The following MYBPC1 variants were observed in gnomAD, a reference collection of about 807,000 sequenced individuals.
MYBPC1 encodes myosin-binding protein C, slow-type.
In MYBPC1, 52 loss-of-function variants were observed where a neutral mutation model predicts 147.1. The ratio of observed to expected loss-of-function variants is 0.35; its 90% CI spans 0.28 to 0.45. The LOEUF (loss-of-function observed/expected upper bound fraction) is 0.45, where lower values mean the gene tolerates loss of function less well. MYBPC1 is among the 20% of genes least tolerant of loss of function. The pLI, the probability that MYBPC1 is intolerant of heterozygous loss-of-function variation, is 1.00. For missense variants in MYBPC1, 1,228 were observed against 1,440.3 expected, an observed-to-expected ratio of 0.85 and a Z score of 2.39; for synonymous variants, 477 against 475.9, an observed-to-expected ratio of 1.00 and a Z score of -0.03.
chr12:101,672,581 C>T (rs984015128), intron 24 of MYBPC1, among the ~76,000 whole-genome samples: 5 of 152,180 alleles, frequency 3.3e-5, no homozygotes, highest in African/African-American at 1.2e-4. Context: ...GGCACGGTGG[C>T]TCACACCCAT....
chr12:101,638,054 G>C (rs1426777556), intron 10 of MYBPC1, among the ~76,000 whole-genome samples: 1 of 152,194 alleles, frequency 6.6e-6, no homozygotes, highest in South Asian at 2.1e-4. Context: ...AGGAGTTAGA[G>C]GCAGGGCCAG....
At chr12:101,602,908 G>T (rs1409940590) in intron 1 of MYBPC1, among the ~76,000 whole-genome samples, 1 of 152,200 alleles carries the variant, frequency 6.6e-6, no homozygotes, top group East Asian at 1.9e-4. Flanking sequence ...GTCAGCATAA[G>T]GTGATAACGG....
At chr12:101,631,484 T>C (rs566990391) in intron 6 of MYBPC1, 87 bp from the exon 7 acceptor site, 5 of 1,406,696 alleles carry the variant, frequency 3.6e-6, no homozygotes, top group East Asian at 2.4e-5. Context: ...TATTCTGTAG[T>C]GCAGTCCCAT....
rs769356667 is a variant in MYBPC1, at chr12:101,652,760, C to T, written c.1609C>T (p.Leu537=). The T allele has an allele frequency of 3.1e-6, 5 of 1,613,360 alleles. No homozygotes were observed. The South Asian group carries it at 5.5e-5, about 18-fold the overall frequency. ...TGCACCTGATGCCTACAATGTTACT[C>T]TGCCTGCCAAAGTTCATGTTATTGG... ...VFAPDAYNVT[L]PAKVHVIDPP... The change falls in exon 17 of 32, where the codon CTG becomes TTG. Residue 537 remains leucine, a synonymous_variant. Coordinates refer to ENST00000361466, the MANE Select transcript of MYBPC1 (RefSeq NM_002465.4).
chr12:101,687,252 T>C (rs1951363406), downstream of MYBPC1, among the ~76,000 whole-genome samples: 1 of 151,522 alleles, frequency 6.6e-6, no homozygotes, highest in East Asian at 1.9e-4. Context: ...GGCCCTGGTG[T>C]GTGATGTTCC....
intron 17 of MYBPC1, 75 bp downstream of exon 17, chr12:101,652,859 T>C (rs1029576312): frequency 4.7e-5 from 61 of 1,296,706 alleles, no homozygotes; most frequent in Admixed American, 4.4e-4. Context: ...AATTATAATA[T>C]ATTCAAAACT....
chr12:101,635,782 A>AC (rs1890862573), intron 9 of MYBPC1, among the ~76,000 whole-genome samples: 1 of 152,202 alleles, frequency 6.6e-6, no homozygotes, highest in Non-Finnish European at 1.5e-5. Context: ...CTGTTTTTAA[A>AC]CCCACAGACT....
intron 3 of MYBPC1, among the ~76,000 whole-genome samples, chr12:101,617,560 A>T (rs1245386373): frequency 6.6e-6 from 1 of 152,078 alleles, no homozygotes; most frequent in African/African-American, 2.4e-5. Context: ...TCTTAGGATT[A>T]TATCAATTGG....
At chr12:101,655,531 T>C (rs543742072) in intron 18 of MYBPC1, among the ~76,000 whole-genome samples, 1 of 152,276 alleles carries the variant, frequency 6.6e-6, no homozygotes, top group Non-Finnish European at 1.5e-5. Flanking sequence ...TCCTAACAAG[T>C]AAAAAGCTGG....
At chr12:101,612,167 A>C (rs1240641221) in intron 1 of MYBPC1, among the ~76,000 whole-genome samples, 1 of 152,162 alleles carries the variant, frequency 6.6e-6, no homozygotes, top group Non-Finnish European at 1.5e-5. Flanking sequence ...AATGATAGTA[A>C]TGGTAACAGT....
chr12:101,627,057 T>C (rs1888771093), intron 4 of MYBPC1, 147 bp downstream of exon 4: 5 of 728,188 alleles, frequency 6.9e-6, no homozygotes, highest in Non-Finnish European at 1.2e-5. Context: ...AAGAAGGAAA[T>C]GTTGGCTTTA....
In MYBPC1 at chr12:101,634,619, A is replaced by G. The variant is rs4448745; in HGVS notation, c.608+14A>G. On this transcript the variant is annotated intron_variant, in intron 9 of 31. Coordinates refer to ENST00000361466, the MANE Select transcript of MYBPC1 (RefSeq NM_002465.4). ...TTTCAAGAGAAGGTAACTCCAAAAG[A>G]AAAATCTAGATAGCTTTTGTATAAC... is the stretch of plus-strand genomic sequence containing the variant. 1,599 of 1,599,332 alleles carry G rather than the reference A, an allele frequency of 1.0e-3. 14 individuals carry two copies. In the African/African-American group the frequency reaches 0.018, roughly 18 times the overall value.
chr12:101,673,144 C>A lies in MYBPC1; in HGVS notation c.2614-283C>A, dbSNP rs1263787. On this transcript the variant is annotated intron_variant, in intron 24 of 31. Coordinates refer to ENST00000361466, the MANE Select transcript of MYBPC1 (RefSeq NM_002465.4). ...TTCCAGTGCTTACCTAACTGCAGGACCTTGGACAAATTATTTAACTTCTCT... is the reference window on the plus strand; with the variant it reads ...TTCCAGTGCTTACCTAACTGCAGGAACTTGGACAAATTATTTAACTTCTCT... 0.59 allele frequency among the ~76,000 whole-genome samples: 89,045 copies of A among 151,994 alleles called. 28,968 individuals carry two copies. The highest frequency in any genetic ancestry group is 0.73 in the Admixed American group (11,133 of 15,280).
In MYBPC1 at chr12:101,675,218, A is replaced by G. The variant is rs527615866; in HGVS notation, c.2810-74A>G. 3.3e-5 allele frequency: 53 copies of G among 1,585,068 alleles called. No homozygotes were observed. The African/African-American group carries it at 5.6e-4, about 17-fold the overall frequency. On this transcript the variant is annotated intron_variant, in intron 25 of 31. Coordinates refer to ENST00000361466, the MANE Select transcript of MYBPC1 (RefSeq NM_002465.4). ...TGTAACAGAGGAAAGGGTCTTTTAA[A>G]ATATCCTCATGAAACAAAATGTAGA... is the stretch of plus-strand genomic sequence containing the variant.
chr12:101,595,158 T>G, intron 1 of MYBPC1, 63 bp downstream of exon 1: 1 of 1,381,732 alleles, frequency 7.2e-7, no homozygotes, highest in East Asian at 2.3e-5. Context: ...TTGGTATTTA[T>G]CTTCAAACAA....
intron 3 of MYBPC1, among the ~76,000 whole-genome samples, chr12:101,621,386 A>C (rs1433754494): frequency 6.6e-6 from 1 of 152,246 alleles, no homozygotes; most frequent in Non-Finnish European, 1.5e-5. Context: ...TTTTATAAGC[A>C]TCAAAGTGTG....
chr12:101,655,646 G>C (rs931307868), intron 18 of MYBPC1, among the ~76,000 whole-genome samples: 1 of 152,090 alleles, frequency 6.6e-6, no homozygotes, highest in Non-Finnish European at 1.5e-5. Context: ...AAGTGTTCAG[G>C]GTGAAAACCC....
chr12:101,601,885 C>T lies in MYBPC1; in HGVS notation c.25+6790C>T, dbSNP rs144734101. On this transcript the variant is annotated intron_variant, in intron 1 of 31. Transcript: ENST00000361466. ...TTAATGAATCTTGGAACAGAATGCTCTACTTAAAACTCAAAATGTGTCCTT... is the reference window on the plus strand; with the variant it reads ...TTAATGAATCTTGGAACAGAATGCTTTACTTAAAACTCAAAATGTGTCCTT... Among the ~76,000 whole-genome samples the T allele has an allele frequency of 3.4e-3, 510 of 152,234 alleles. 3 individuals carry two copies. The highest frequency in any genetic ancestry group is 0.012 in the African/African-American group (491 of 41,528).
chr12:101,665,552 T>C (rs1897279587), intron 22 of MYBPC1, among the ~76,000 whole-genome samples: 1 of 152,184 alleles, frequency 6.6e-6, no homozygotes, highest in African/African-American at 2.4e-5. Flanking sequence ...TGCACTCTAG[T>C]TTTTTCTTTC....
Sources: gnomAD v4.1 joint callset for allele counts (sites outside exome capture counted in the v4.1 genomes callset) on GRCh38, gnomAD v4.1.1 for gene constraint, MANE v1.5 for transcripts, NCBI Gene and HGNC (gene_info 2026-07-23, HGNC 2026-07-21) for gene names.